The following INSL5 variants were observed in gnomAD, a reference collection of about 807,000 sequenced individuals.
The protein encoded by INSL5 is insulin-like peptide INSL5.
Under a neutral mutation model 4.3 loss-of-function variants are expected in INSL5, and 3 were observed. That is an observed-to-expected ratio of 0.70 (90% CI 0.32 to 1.82). The LOEUF is 1.82. INSL5 is among the 40% of genes most tolerant of loss of function. INSL5 has a pLI of 0.08. For missense variants in INSL5, 168 were observed against 160.9 expected, an observed-to-expected ratio of 1.04 and a Z score of -0.24; for synonymous variants, 68 against 56.6, an observed-to-expected ratio of 1.20 and a Z score of -0.90.
chr1:66,799,251 C>T (rs761647342), intron 1 of INSL5, among the ~76,000 whole-genome samples: 3 of 152,106 alleles, frequency 2.0e-5, no homozygotes, highest in Non-Finnish European at 2.9e-5. Context: ...TACATATAGT[C>T]GCAACATTTA....
At chr1:66,799,428 G>A (rs893970847) in intron 1 of INSL5, among the ~76,000 whole-genome samples, 3 of 152,136 alleles carry the variant, frequency 2.0e-5, no homozygotes, top group African/African-American at 7.2e-5. Context: ...AGCGGAGAAC[G>A]ATGGTTATCA....
rs191769533 is a variant in INSL5 at position 66,800,199 on chromosome 1, G to A, written c.175+848C>T. Among the ~76,000 whole-genome samples, 22 of 152,126 alleles carry A rather than the reference G, an allele frequency of 1.4e-4. 1 individual carries two copies. The East Asian group carries it at 2.5e-3, about 17-fold the overall frequency. On this transcript the variant is annotated intron_variant, in intron 1 of 1. Coordinates refer to ENST00000304526, the MANE Select transcript of INSL5 (RefSeq NM_005478.6). The stretch of plus-strand genomic sequence containing the variant: ...ATATAGTGAAGTCAGCCGCTTCACC[G>A]TTTCTGAAAGACATTTGGTTCATTT...
Position 66,797,946 on chromosome 1 carries a change from A to T in INSL5, c.*67T>A. On this transcript the variant is annotated 3_prime_UTR_variant, in exon 2 of 2. Transcript: ENST00000304526. ...AATAACACAATATTAGTGTTCTACC[A>T]GGCAGTAAAACACTGTAATTAAACA... 1 of 1,078,094 alleles carries T rather than the reference A, an allele frequency of 9.3e-7. No homozygotes were observed. Among genetic ancestry groups the T allele is most frequent in the Non-Finnish European group, 1.4e-6 (1 of 711,238 alleles). The allele number at this position is 1,078,094 out of a possible 1,614,324, so 66.8% of individuals were successfully genotyped here.
At position 66,798,153 on chromosome 1, in the gene INSL5, C is replaced by T; in HGVS notation, c.268G>A (p.Glu90Lys). ...ATCTGTCCACCCCAAAGACGGTCTT[C>T]CCCTGAGGCATCCACCTTCGGAAGG... ...QNLPKVDASG[E>K]DRLWGGQMPT... Residue 90 changes from glutamate (E) to lysine (K), a missense_variant, in exon 2 of 2, where the codon GAA becomes AAA. Physicochemically the swap from Glu to Lys is moderately conservative, Grantham distance 56. Transcript: ENST00000304526. The T allele has an allele frequency of 6.2e-7, 1 of 1,614,134 alleles. No homozygotes were observed. The highest frequency in any genetic ancestry group is 8.5e-7 in the Non-Finnish European group (1 of 1,180,022).
rs541815580 is a variant in INSL5 at position 66,797,879 on chromosome 1, C to G, written c.*134G>C. 120 of 647,714 alleles carry G rather than the reference C, an allele frequency of 1.9e-4. 1 individual carries two copies. The South Asian group carries it at 2.3e-3, about 12-fold the overall frequency. The allele number at this position is 647,714 out of a possible 1,614,324, so 40.1% of individuals were successfully genotyped here. The stretch of plus-strand genomic sequence containing the variant: ...TGTGGTTTCAACCGCTCAGCTATAC[C>G]TTTTAGAAAAGAAGTTTTGCCTACC... On this transcript the variant is annotated 3_prime_UTR_variant, in exon 2 of 2. Coordinates refer to ENST00000304526, the MANE Select transcript of INSL5 (RefSeq NM_005478.6).
In INSL5 at chr1:66,798,006, T is replaced by A; in HGVS notation, c.*7A>T. 6.3e-7 allele frequency: 1 copy of A among 1,599,532 alleles called. No homozygotes were observed. Among genetic ancestry groups the A allele is most frequent in the Non-Finnish European group, 8.6e-7 (1 of 1,166,834 alleles). On this transcript the variant is annotated 3_prime_UTR_variant, in exon 2 of 2. Coordinates refer to ENST00000304526, the MANE Select transcript of INSL5 (RefSeq NM_005478.6). ...GCTCTGCCACCCATTGGGTATTTGC[T>A]CTTGTCTTAGCAAAGAGCACTCAAA... is the stretch of plus-strand genomic sequence containing the variant.
At position 66,801,233 on chromosome 1, in the gene INSL5, C is replaced by G. The variant is rs1645374267; in HGVS notation, c.-12G>C. 6.2e-7 allele frequency: 1 copy of G among 1,604,086 alleles called. No individual in the cohort carries two copies. Among genetic ancestry groups the G allele is most frequent in the African/African-American group, 1.3e-5 (1 of 74,854 alleles). On this transcript the variant is annotated 5_prime_UTR_variant, in exon 1 of 2. Coordinates refer to ENST00000304526, the MANE Select transcript of INSL5 (RefSeq NM_005478.6). ...ATGGAGCCCTTCATTTTGCTGAGGA[C>G]TGAATGTGAATCTGATATGGTAAAT...
chr1:66,798,457 A>G (rs1168131649), intron 1 of INSL5, among the ~76,000 whole-genome samples: 1 of 152,206 alleles, frequency 6.6e-6, no homozygotes, highest in East Asian at 1.9e-4. Context: ...AGAGGCAGAA[A>G]CTTGAGTGCA....
Position 66,797,881 on chromosome 1 carries a change from T to C in INSL5, c.*132A>G, listed in dbSNP as rs1645352545. On this transcript the variant is annotated 3_prime_UTR_variant, in exon 2 of 2. Coordinates refer to ENST00000304526, the MANE Select transcript of INSL5 (RefSeq NM_005478.6). Reference sequence around the variant, plus strand: ...TGGTTTCAACCGCTCAGCTATACCTTTTAGAAAAGAAGTTTTGCCTACCCA... The same window carrying C: ...TGGTTTCAACCGCTCAGCTATACCTCTTAGAAAAGAAGTTTTGCCTACCCA... 2 of 653,708 alleles carry C rather than the reference T, an allele frequency of 3.1e-6. No homozygotes were observed. Among genetic ancestry groups the C allele is most frequent in the Admixed American group, 2.7e-5 (1 of 36,424 alleles). The allele number at this position is 653,708 out of a possible 1,614,324, so 40.5% of individuals were successfully genotyped here.
At position 66,801,156 on chromosome 1, in the gene INSL5, G is replaced by T. The variant is rs778970586; in HGVS notation, c.66C>A (p.Ser22Arg). Residue 22 changes from serine (S) to arginine (R), a missense_variant, in exon 1 of 2, where the codon AGC becomes AGA. By Grantham distance (110) the Ser-to-Arg change is moderately radical. Coordinates refer to ENST00000304526, the MANE Select transcript of INSL5 (RefSeq NM_005478.6). ...GCCCACAGAGTCTCACAGACTCCTT[G>T]CTCCGCACTTCTGAGATGGCAAATA... The part of the protein sequence containing the change: ...SVLFAISEVR[S>R]KESVRLCGLE... 4 of 1,613,110 alleles carry T rather than the reference G, an allele frequency of 2.5e-6. No homozygotes were observed. In the Admixed American group the frequency reaches 6.7e-5, roughly 27 times the overall value.
At chr1:66,798,838 C>T (rs1458753811) in intron 1 of INSL5, among the ~76,000 whole-genome samples, 1 of 152,128 alleles carries the variant, frequency 6.6e-6, no homozygotes, top group Non-Finnish European at 1.5e-5. Context: ...AGTAATTGAT[C>T]AGATAAATAA....
chr1:66,797,970 CAT>C lies in INSL5; in HGVS notation c.*41_*42del, dbSNP rs1040472712. The stretch of plus-strand genomic sequence containing the variant: ...CAGGCAGTAAAACACTGTAATTAAA[CAT>C]GTGATAAAGCTCTGCCACCCATTGG... On this transcript the variant is annotated 3_prime_UTR_variant, in exon 2 of 2. Coordinates refer to ENST00000304526, the MANE Select transcript of INSL5 (RefSeq NM_005478.6). 1.5e-6 allele frequency: 2 copies of C among 1,307,386 alleles called. No homozygotes were observed. Among genetic ancestry groups the C allele is most frequent in the Non-Finnish European group, 2.2e-6 (2 of 905,174 alleles). 81.0% of individuals were successfully genotyped at this position (1,307,386 alleles called of 1,614,324 possible). A position where few individuals can be genotyped will look rare whatever the true frequency, so the allele number is the denominator to read the frequency against.
At chr1:66,800,502 A>G (rs1006894375) in intron 1 of INSL5, among the ~76,000 whole-genome samples, 1 of 152,220 alleles carries the variant, frequency 6.6e-6, no homozygotes, top group Non-Finnish European at 1.5e-5. Context: ...ACCAGCTGGG[A>G]GAAGAATTTT....
In INSL5 at chr1:66,798,108, T is replaced by C; in HGVS notation, c.313A>G (p.Lys105Glu). Residue 105 changes from lysine (K) to glutamate (E), a missense_variant, in exon 2 of 2, where the codon AAG becomes GAG. By Grantham distance (56) the Lys-to-Glu change is moderately conservative (BLOSUM62 1). Transcript: ENST00000304526. ...GGQMPTEELW[K>E]SKKHSVMSRQ... ...GACATCACTGAATGCTTCTTTGACT[T>C]CCAAAGCTCTTCAGTGGGCATCTGT... is the stretch of plus-strand genomic sequence containing the variant. 1 of 1,614,116 alleles carries C rather than the reference T, an allele frequency of 6.2e-7. No individual in the cohort carries two copies. The highest frequency in any genetic ancestry group is 8.5e-7 in the Non-Finnish European group (1 of 1,179,982).
Position 66,798,259 on chromosome 1 carries a change from A to G in INSL5, c.176-14T>C, listed in dbSNP as rs1466948308. 3 of 1,586,370 alleles carry G rather than the reference A, an allele frequency of 1.9e-6. No homozygotes were observed. Among genetic ancestry groups the G allele is most frequent in the African/African-American group, 2.7e-5 (2 of 74,196 alleles). On this transcript the variant is annotated splice_polypyrimidine_tract_variant and intron_variant, in intron 1 of 1. Transcript: ENST00000304526. Reference sequence around the variant, plus strand: ...TTCCTGTCTCAGCTGTATGGAAGAGAAAAAAATAATACATCCTTAGACAGC... The same window carrying G: ...TTCCTGTCTCAGCTGTATGGAAGAGGAAAAAATAATACATCCTTAGACAGC...
chr1:66,800,968 T>C, intron 1 of INSL5, 79 bp downstream of exon 1: 1 of 1,083,244 alleles, frequency 9.2e-7, no homozygotes, highest in Non-Finnish European at 1.3e-6. Context: ...CTTAATAAAA[T>C]AATGGTTTAA....
In INSL5 at chr1:66,797,842, A is replaced by G. The variant is rs1219214746; in HGVS notation, c.*171T>C. On this transcript the variant is annotated 3_prime_UTR_variant, in exon 2 of 2. Coordinates refer to ENST00000304526, the MANE Select transcript of INSL5 (RefSeq NM_005478.6). ...TTCATTAACCTTGGCAAAGGGAGAA[A>G]ATAGAGATCACTGTGGTTTCAACCG... 1 of 573,520 alleles carries G rather than the reference A, an allele frequency of 1.7e-6. No individual in the cohort carries two copies. 35.5% of individuals were successfully genotyped at this position (573,520 alleles called of 1,614,324 possible).
intron 1 of INSL5, among the ~76,000 whole-genome samples, chr1:66,800,607 C>T (rs961223353): frequency 6.6e-6 from 1 of 152,182 alleles, no homozygotes; most frequent in Non-Finnish European, 1.5e-5. Flanking sequence ...AACTTCCCAG[C>T]ACTTAAAAGT....
chr1:66,801,175 G>T lies in INSL5; in HGVS notation c.47C>A (p.Ala16Asp), dbSNP rs770529302. The T allele has an allele frequency of 5.6e-6, 9 of 1,613,394 alleles. No individual in the cohort carries two copies. The highest frequency in any genetic ancestry group is 7.6e-6 in the Non-Finnish European group (9 of 1,179,366). The part of the protein sequence containing the change: ...FTLFLFSVLF[A>D]ISEVRSKESV... ...CTCCTTGCTCCGCACTTCTGAGATG[G>T]CAAATAGGACAGAGAATAAAAACAG... The change falls in exon 1 of 2, where the codon GCC becomes GAC. Residue 16 changes from alanine (A) to aspartate (D), a missense_variant. Physicochemically the swap from Ala to Asp is moderately radical, Grantham distance 126 (BLOSUM62 -2). Coordinates refer to ENST00000304526, the MANE Select transcript of INSL5 (RefSeq NM_005478.6).
Sources: gnomAD v4.1 joint callset for allele counts (sites outside exome capture counted in the v4.1 genomes callset) on GRCh38, gnomAD v4.1.1 for gene constraint, MANE v1.5 for transcripts, NCBI Gene and HGNC (gene_info 2026-07-23, HGNC 2026-07-21) for gene names.